Variants in KDM4B observed in about 807,000 individuals in gnomAD.
KDM4B encodes the protein lysine-specific demethylase 4B.
KDM4B carries 32 observed loss-of-function variants against 125.2 expected under a neutral mutation model. The ratio of observed to expected loss-of-function variants is 0.26; its 90% CI spans 0.19 to 0.34. The LOEUF (loss-of-function observed/expected upper bound fraction) is 0.34. KDM4B is among the 10% of genes least tolerant of loss of function. The pLI is 1.00. For synonymous variants in KDM4B, 721 were observed against 677.9 expected (o/e 1.06, Z -0.99); for missense variants, 1,190 against 1,577.7 (o/e 0.75, Z 4.16).
At position 4,982,568 on chromosome 19, in the gene KDM4B, T is replaced by C. The variant is rs183001072; in HGVS notation, c.-109+13338T>C. Among the ~76,000 whole-genome samples, 209 of 152,188 alleles carry C rather than the reference T, an allele frequency of 1.4e-3. 1 individual carries two copies. The highest frequency in any genetic ancestry group is 4.4e-3 in the African/African-American group (184 of 41,516). ...TTTTATTTCTATGTTTTTAATGGCT[T>C]GTCTGTATAACCAAAAGTGATGTTC... On this transcript the variant is annotated intron_variant, in intron 1 of 22. Transcript: ENST00000159111.
At chr19:5,088,060 C>T (rs139716026) in intron 9 of KDM4B, among the ~76,000 whole-genome samples, 50 of 152,346 alleles carry the variant, frequency 3.3e-4, no homozygotes, top group South Asian at 1.0e-3. Context: ...TCTTCACGCC[C>T]ACCTGTGGGG....
At chr19:5,064,080 C>T (rs567368927) in intron 6 of KDM4B, among the ~76,000 whole-genome samples, 3 of 152,300 alleles carry the variant, frequency 2.0e-5, no homozygotes, top group East Asian at 1.9e-4. Flanking sequence ...GGTCACAGGC[C>T]GGGGCCACCA....
intron 3 of KDM4B, among the ~76,000 whole-genome samples, chr19:5,038,303 A>G (rs1377271568): frequency 2.6e-5 from 4 of 152,164 alleles, no homozygotes; most frequent in East Asian, 3.9e-4. Context: ...GCAGTCTAGA[A>G]TCTGGTCTTG....
At chr19:5,053,012 G>T (rs1044198329) in intron 6 of KDM4B, among the ~76,000 whole-genome samples, 2 of 152,226 alleles carry the variant, frequency 1.3e-5, no homozygotes, top group African/African-American at 2.4e-5. Flanking sequence ...TTGGGTGGCC[G>T]CAGAGACAGC....
At chr19:5,133,827 G>A in intron 13 of KDM4B, 56 bp from the exon 14 acceptor site, 1 of 1,581,800 alleles carries the variant, frequency 6.3e-7, no homozygotes, top group Non-Finnish European at 8.6e-7. Context: ...GTGATTCCTT[G>A]GACGAGTTTT....
chr19:5,034,651 C>A (rs2036562161), intron 3 of KDM4B, among the ~76,000 whole-genome samples: 1 of 152,198 alleles, frequency 6.6e-6, no homozygotes, highest in African/African-American at 2.4e-5. Flanking sequence ...TTCCGGGCCG[C>A]CTCCACCCTG....
intron 7 of KDM4B, chr19:5,074,342 C>T (rs545304319): frequency 6.6e-6 from 1 of 152,366 alleles, no homozygotes; most frequent in South Asian, 2.1e-4. Flanking sequence ...TCCTAGGTGC[C>T]CCTCCCAGAC....
chr19:5,004,524 A>G (rs532583436), intron 1 of KDM4B, among the ~76,000 whole-genome samples: 1 of 152,240 alleles, frequency 6.6e-6, no homozygotes, highest in Admixed American at 6.5e-5. Flanking sequence ...TCAGCCAGGC[A>G]TGTTGTCTGG....
intron 1 of KDM4B, among the ~76,000 whole-genome samples, chr19:4,980,421 CTTTTTTT>C (rs572345837): frequency 9.1e-6 from 1 of 109,730 alleles, no homozygotes; most frequent in Non-Finnish European, 1.8e-5. Context: ...CCTTTTCTTT[CTTTTTTT>C]TTTTTTTTTT....
chr19:5,012,199 G>A (rs1380113487), intron 1 of KDM4B, among the ~76,000 whole-genome samples: 2 of 151,850 alleles, frequency 1.3e-5, no homozygotes, highest in African/African-American at 4.8e-5. Context: ...AAGCCACCTG[G>A]GTCTTCCCCT....
chr19:4,997,147 G>A lies in KDM4B; in HGVS notation c.-108-19110G>A, dbSNP rs958244986. On this transcript the variant is annotated intron_variant, in intron 1 of 22. Transcript: ENST00000159111. The surrounding 1 kb of genome is among the most constrained non-coding windows in gnomAD (Gnocchi z 4.2). ...AAGGCATCCTCTGGGGGCACGATCA[G>A]CCTTGGTGGAGAACCCCTGTTTTGG... 6.6e-6 allele frequency among the ~76,000 whole-genome samples: 1 copy of A among 152,222 alleles called. No homozygotes were observed. The highest frequency in any genetic ancestry group is 2.4e-5 in the African/African-American group (1 of 41,442).
chr19:5,021,442 A>G (rs556853054), intron 2 of KDM4B, among the ~76,000 whole-genome samples: 2 of 152,062 alleles, frequency 1.3e-5, no homozygotes, highest in African/African-American at 4.8e-5. Context: ...AAACAAATAC[A>G]GAAAGTACTG....
chr19:5,100,619 A>G (rs900919256), intron 9 of KDM4B, among the ~76,000 whole-genome samples: 3 of 152,102 alleles, frequency 2.0e-5, no homozygotes, highest in African/African-American at 7.2e-5. Context: ...GGGTCTCGCC[A>G]TGTTGCCCAG....
rs1228615256 is a variant in KDM4B at position 5,114,370 on chromosome 19, C to G, written c.1115+3552C>G. The G allele has an allele frequency of 1.5e-5, 9 of 609,590 alleles. No individual in the cohort carries two copies. Among genetic ancestry groups the G allele is most frequent in the Non-Finnish European group, 5.4e-6 (2 of 367,788 alleles). 37.8% of individuals were successfully genotyped at this position (609,590 alleles called of 1,614,324 possible). On this transcript the variant is annotated intron_variant, in intron 10 of 22. Coordinates refer to ENST00000159111, the MANE Select transcript of KDM4B (RefSeq NM_015015.3). The surrounding 1 kb of genome is among the most constrained non-coding windows in gnomAD (Gnocchi z 5.8). ...CTGTCCCCTCCTGCTCTGCCTTGGC[C>G]TGTCGCCCCTGCGCCAGTGCAGGAC...
chr19:5,112,849 G>A (rs2039176998), intron 10 of KDM4B: 1 of 152,468 alleles, frequency 6.6e-6, no homozygotes, highest in South Asian at 2.1e-4. Flanking sequence ...GCTGCCTCCT[G>A]GTGAGGCTAC....
rs941839876 is a variant in KDM4B at position 4,971,423 on chromosome 19, C to T, written c.-109+2193C>T. Among the ~76,000 whole-genome samples the T allele has an allele frequency of 5.8e-5, 8 of 137,204 alleles. No individual in the cohort carries two copies. Among genetic ancestry groups the T allele is most frequent in the African/African-American group, 1.5e-4 (5 of 33,926 alleles). 90.0% of individuals were successfully genotyped at this position (137,204 alleles called of 152,430 possible). On this transcript the variant is annotated intron_variant, in intron 1 of 22. Transcript: ENST00000159111. This position sits in a 1 kb window ranked among gnomAD's most constrained non-coding sequence, Gnocchi z 4.1. ...CTTTAATTCCTAATTTCTCTGTCTC[C>T]TCTGCTGGTTTCCTGCCCGTTTGTC...
intron 1 of KDM4B, among the ~76,000 whole-genome samples, chr19:4,985,188 G>A (rs2034785152): frequency 1.3e-5 from 2 of 152,122 alleles, no homozygotes; most frequent in African/African-American, 4.8e-5. Context: ...GCCCAGCATG[G>A]TGGTGCACGC....
At chr19:4,987,486 G>A (rs10401471) in intron 1 of KDM4B, among the ~76,000 whole-genome samples, 37,382 of 151,916 alleles carry the variant, frequency 0.25, 4,792 homozygotes, top group Non-Finnish European at 0.28. Flanking sequence ...GCCGGAGGGG[G>A]GTTATCTCGG....
In KDM4B at chr19:5,138,120, G is replaced by C. The variant is rs374480522; in HGVS notation, c.2550+50G>C. The C allele has an allele frequency of 4.1e-5, 57 of 1,376,552 alleles. No homozygotes were observed. The South Asian group carries it at 6.8e-4, about 16-fold the overall frequency. The allele number at this position is 1,376,552 out of a possible 1,614,324, so 85.3% of individuals were successfully genotyped here. A position where few individuals can be genotyped will look rare whatever the true frequency, so the allele number is the denominator to read the frequency against. ...CCCTGCCCGTGCCTCTAGGGCTGCC[G>C]GCCATGCTCGGCTCCCCACCTGCGC... On this transcript the variant is annotated intron_variant, in intron 18 of 22. Transcript: ENST00000159111.
Sources: gnomAD v4.1 joint callset for allele counts (sites outside exome capture counted in the v4.1 genomes callset) on GRCh38, gnomAD v4.1.1 for gene constraint, Gnocchi (gnomAD v3.1) non-coding constraint, MANE v1.5 for transcripts, NCBI Gene and HGNC (gene_info 2026-07-23, HGNC 2026-07-21) for gene names.